C19orf18: variants seen among roughly 807,000 people sequenced by gnomAD.
C19orf18 encodes the protein uncharacterized protein C19orf18.
C19orf18 carries 21 observed loss-of-function variants against 23.3 expected under a neutral mutation model. The observed-to-expected ratio is 0.90, with a 90% CI of 0.64 to 1.30. The LOEUF is 1.30. Among genes scored for constraint, C19orf18 ranks in the 50% most tolerant of loss-of-function variants. C19orf18 has a pLI of 0.00. For missense variants in C19orf18, 249 were observed against 259.6 expected (o/e 0.96, Z 0.28); for synonymous variants, 96 against 95.2 (o/e 1.01, Z -0.05).
intron 5 of C19orf18, among the ~76,000 whole-genome samples, chr19:57,960,059 A>G (rs2072855633): frequency 6.6e-6 from 1 of 151,346 alleles, no homozygotes; most frequent in African/African-American, 2.4e-5. Context: ...CAGTGAGCCA[A>G]GATTTCGCCA....
At position 57,972,492 on chromosome 19, in the gene C19orf18, G is replaced by A. The variant is rs139303329; in HGVS notation, c.239C>T (p.Thr80Met). The change falls in exon 3 of 6, where the codon ACG becomes ATG. Residue 80 changes from threonine to methionine, a missense_variant. Coordinates refer to ENST00000314391, the MANE Select transcript of C19orf18 (RefSeq NM_152474.5). ...AASRSTAASP[T>M]NPMKFLRNKA... ...ATTCCTCAGGAATTTCATGGGGTTC[G>A]TAGGGGATGCAGCTAAAAGGCCATC... 4.0e-3 allele frequency: 6,474 copies of A among 1,614,022 alleles called. 22 individuals are homozygous for A. Among genetic ancestry groups the A allele is most frequent in the Non-Finnish European group, 4.8e-3 (5,629 of 1,179,904 alleles).
intron 3 of C19orf18, among the ~76,000 whole-genome samples, chr19:57,971,722 C>T (rs1431879074): frequency 1.3e-5 from 2 of 152,114 alleles, no homozygotes; most frequent in East Asian, 1.9e-4. Flanking sequence ...TCATCCACCT[C>T]GGCCTTCCTA....
chr19:57,958,710 TATA>T lies in C19orf18; in HGVS notation c.537_539del (p.Ile180del), dbSNP rs770155057. 11 of 1,501,796 alleles carry T rather than the reference TATA, an allele frequency of 7.3e-6. No homozygotes were observed. The highest frequency in any genetic ancestry group is 9.2e-6 in the Non-Finnish European group (10 of 1,090,858). The allele number at this position is 1,501,796 out of a possible 1,614,324, so 93.0% of individuals were successfully genotyped here. A position where few individuals can be genotyped will look rare whatever the true frequency, so the allele number is the denominator to read the frequency against. ...TCTTAATATTTTTGCTTCTTTTTGA[TATA>T]ATAACTAAAATGTAGAAATGATGTT... On this transcript the variant is annotated inframe_deletion, in exon 6 of 6. Coordinates refer to ENST00000314391, the MANE Select transcript of C19orf18 (RefSeq NM_152474.5).
At chr19:57,962,048 G>A (rs2072877180) in intron 4 of C19orf18, among the ~76,000 whole-genome samples, 1 of 142,916 alleles carries the variant, frequency 7.0e-6, no homozygotes, top group Admixed American at 7.3e-5. Flanking sequence ...TTCTCTCTTT[G>A]GAACAGGGTC....
At chr19:57,961,277 AG>A in intron 5 of C19orf18, 113 bp downstream of exon 5, 3 of 1,124,920 alleles carry the variant, frequency 2.7e-6, no homozygotes, top group Non-Finnish European at 3.8e-6. Flanking sequence ...AAAGAAAGAA[AG>A]GAAAGAAAGA....
rs368264042 is a variant in C19orf18 at position 57,958,554 on chromosome 19, C to T, written c.*48G>A. 4.7e-6 allele frequency: 6 copies of T among 1,282,614 alleles called. No individual in the cohort carries two copies. The highest frequency in any genetic ancestry group is 1.5e-5 in the African/African-American group (1 of 66,728). 79.5% of individuals were successfully genotyped at this position (1,282,614 alleles called of 1,614,324 possible). A position where few individuals can be genotyped will look rare whatever the true frequency, so the allele number is the denominator to read the frequency against. On this transcript the variant is annotated 3_prime_UTR_variant, in exon 6 of 6. Coordinates refer to ENST00000314391, the MANE Select transcript of C19orf18 (RefSeq NM_152474.5). ...CGCCCACAGGCTCAGTCTCCCAGCA[C>T]CCCCATAGTTTCTCCTCTGCCTCAG...
chr19:57,958,783 G>T (rs1287403418), intron 5 of C19orf18, 66 bp from the exon 6 acceptor site: 3 of 898,214 alleles, frequency 3.3e-6, no homozygotes, highest in Non-Finnish European at 3.3e-6. Flanking sequence ...GACAAAAGGG[G>T]TGAGGGAAAA....
chr19:57,974,478 C>T lies in C19orf18; in HGVS notation c.-46G>A. 6.2e-7 allele frequency: 1 copy of T among 1,604,986 alleles called. No individual in the cohort carries two copies. The highest frequency in any genetic ancestry group is 8.5e-7 in the Non-Finnish European group (1 of 1,174,158). The stretch of plus-strand genomic sequence containing the variant: ...TTTATCCCGTAGATGAAAGGAAATA[C>T]TTAGCTACAGTCCAGCATCTGTCCT... On this transcript the variant is annotated 5_prime_UTR_variant, in exon 1 of 6. Coordinates refer to ENST00000314391, the MANE Select transcript of C19orf18 (RefSeq NM_152474.5).
In C19orf18 at chr19:57,958,719, T is replaced by A; in HGVS notation, c.533-2A>T. The A allele has an allele frequency of 1.4e-6, 2 of 1,451,882 alleles. No individual in the cohort carries two copies. The highest frequency in any genetic ancestry group is 1.9e-6 in the Non-Finnish European group (2 of 1,048,846). The allele number at this position is 1,451,882 out of a possible 1,614,324, so 89.9% of individuals were successfully genotyped here. On this transcript the variant is annotated splice_acceptor_variant, in intron 5 of 5. Transcript: ENST00000314391. LOFTEE classifies it high-confidence loss of function. ...TTTTGCTTCTTTTTGATATAATAACTAAAATGTAGAAATGATGTTATTGAG... is the reference window on the plus strand; with the variant it reads ...TTTTGCTTCTTTTTGATATAATAACAAAAATGTAGAAATGATGTTATTGAG...
chr19:57,969,566 G>GAAAAAAAAAAAAAA (rs59100128), intron 3 of C19orf18, among the ~76,000 whole-genome samples: 17 of 46,500 alleles, frequency 3.7e-4, no homozygotes, highest in South Asian at 1.5e-3. Context: ...AAAAAAAACA[G>GAAAAAAAAAAAAAA]AAAAAAAAAA....
At chr19:57,964,498 T>C (rs960785929) in intron 4 of C19orf18, among the ~76,000 whole-genome samples, 11 of 152,178 alleles carry the variant, frequency 7.2e-5, no homozygotes, top group African/African-American at 2.4e-4. Context: ...CCCACGCTGG[T>C]CTCAAACACC....
chr19:57,974,459 C>T lies in C19orf18; in HGVS notation c.-27G>A. On this transcript the variant is annotated 5_prime_UTR_variant, in exon 1 of 6. Transcript: ENST00000314391. ...ACTCTCAAATTATCAGTATTTTATC[C>T]CGTAGATGAAAGGAAATACTTAGCT... The T allele has an allele frequency of 6.3e-7, 1 of 1,598,994 alleles. No homozygotes were observed. Among genetic ancestry groups the T allele is most frequent in the Non-Finnish European group, 8.5e-7 (1 of 1,178,022 alleles).
intron 4 of C19orf18, among the ~76,000 whole-genome samples, chr19:57,965,227 C>T (rs1233473682): frequency 6.6e-6 from 1 of 152,060 alleles, no homozygotes; most frequent in Non-Finnish European, 1.5e-5. Context: ...CTCTGCCTCC[C>T]AGGTTCAAGC....
intron 2 of C19orf18, among the ~76,000 whole-genome samples, chr19:57,973,307 C>T (rs1026734909): frequency 6.6e-6 from 1 of 151,678 alleles, no homozygotes; most frequent in African/African-American, 2.4e-5. Flanking sequence ...AGATTATTTA[C>T]AAGCATCATA....
intron 4 of C19orf18, among the ~76,000 whole-genome samples, chr19:57,964,306 T>A (rs527994039): frequency 6.6e-6 from 1 of 152,144 alleles, no homozygotes; most frequent in South Asian, 2.1e-4. Flanking sequence ...TTTTGAGACA[T>A]GGTCTCACTC....
At chr19:57,962,140 AC>A (rs1240673143) in intron 4 of C19orf18, among the ~76,000 whole-genome samples, 1 of 82,182 alleles carries the variant, frequency 1.2e-5, no homozygotes, top group Non-Finnish European at 2.5e-5. Flanking sequence ...AAACAGTCTT[AC>A]CTGCTCAGCC....
At position 57,961,440 on chromosome 19, in the gene C19orf18, C is replaced by T. The variant is rs763294353; in HGVS notation, c.483G>A (p.Thr161=). The T allele has an allele frequency of 1.1e-5, 18 of 1,614,018 alleles. No homozygotes were observed. Among genetic ancestry groups the T allele is most frequent in the East Asian group, 4.5e-5 (2 of 44,896 alleles). The change falls in exon 5 of 6, where the codon ACG becomes ACA. Residue 161 remains threonine, a synonymous_variant. Transcript: ENST00000314391. ...EEGSEDEGES[T]HLLPENENEL... is the part of the protein sequence containing the mutation. The stretch of plus-strand genomic sequence containing the variant: ...CATTTTCGTTCTCTGGAAGTAGGTG[C>T]GTGGACTCACCCTCGTCCTCTGAGC...
rs922252802 is a variant in C19orf18, at chr19:57,974,194, C to T, written c.131G>A (p.Arg44Gln). The change falls in exon 2 of 6, where the codon CGG becomes CAG. Residue 44 changes from arginine (R) to glutamine (Q), a missense_variant. Physicochemically the swap from Arg to Gln is conservative, Grantham distance 43 (BLOSUM62 1). Transcript: ENST00000314391. Reference protein sequence around the residue: ...GNITGLPGSKRSQPPRNITKE... With the variant: ...GNITGLPGSKQSQPPRNITKE... ...GGTGATGTTTCTGGGTGGTTGTGAC[C>T]GTTTACTGCCTTGAAAAGAAAACTT... The T allele has an allele frequency of 3.1e-6, 5 of 1,613,784 alleles. No individual in the cohort carries two copies. The African/African-American group carries it at 4.0e-5, about 13-fold the overall frequency.
chr19:57,964,394 A>C (rs1164220249), intron 4 of C19orf18, among the ~76,000 whole-genome samples: 1 of 152,004 alleles, frequency 6.6e-6, no homozygotes, highest in Non-Finnish European at 1.5e-5. Context: ...CCATCCTCCC[A>C]CCTCAGCCTC....
Sources: gnomAD v4.1 joint callset for allele counts (sites outside exome capture counted in the v4.1 genomes callset) on GRCh38, gnomAD v4.1.1 for gene constraint, MANE v1.5 for transcripts, NCBI Gene and HGNC (gene_info 2026-07-23, HGNC 2026-07-21) for gene names.